Variants in SEC61A2 observed in about 807,000 individuals in gnomAD.
The protein encoded by SEC61A2 is SEC61 translocon subunit alpha 2.
In SEC61A2, 28 loss-of-function variants were observed where a neutral mutation model predicts 59.9. The observed-to-expected ratio is 0.47, with a 90% confidence interval of 0.35 to 0.64. The LOEUF (loss-of-function observed/expected upper bound fraction) is 0.64. Among genes scored for constraint, SEC61A2 ranks in the 30% least tolerant of loss-of-function variants. The pLI, the probability that SEC61A2 is intolerant of heterozygous loss-of-function variation, is 0.01. For synonymous variants in SEC61A2, 202 were observed against 214.4 expected (o/e 0.94, Z 0.50); for missense variants, 340 against 585.9 (o/e 0.58, Z 4.33).
intron 4 of SEC61A2, among the ~76,000 whole-genome samples, chr10:12,146,026 A>G (rs6602565): frequency 0.4 from 60,833 of 151,888 alleles, 13,309 homozygotes; most frequent in South Asian, 0.55. Flanking sequence ...ATTTTATTTT[A>G]TTTTATTTTT....
Position 12,142,838 on chromosome 10 carries a change from T to C in SEC61A2, c.142-279T>C, listed in dbSNP as rs1449670668. 6.6e-6 allele frequency among the ~76,000 whole-genome samples: 1 copy of C among 152,230 alleles called. No individual in the cohort carries two copies. The highest frequency in any genetic ancestry group is 2.4e-5 in the African/African-American group (1 of 41,454). ...TGATGGAATGTTTTTCTTTTTATTT[T>C]CTTTTTAATAAACAGCTTTACCTTG... On this transcript the variant is annotated intron_variant, in intron 3 of 11. Coordinates refer to ENST00000298428, the MANE Select transcript of SEC61A2 (RefSeq NM_018144.4). This position sits in a 1 kb window ranked among gnomAD's most constrained non-coding sequence, Gnocchi z 5.4.
Position 12,129,685 on chromosome 10 carries a change from G to T in SEC61A2, c.-103G>T. 4 of 1,173,468 alleles carry T rather than the reference G, an allele frequency of 3.4e-6. No individual in the cohort carries two copies. The highest frequency in any genetic ancestry group is 4.7e-6 in the Non-Finnish European group (4 of 847,206). 72.7% of individuals were successfully genotyped at this position (1,173,468 alleles called of 1,614,324 possible). On this transcript the variant is annotated 5_prime_UTR_variant, in exon 1 of 12. Transcript: ENST00000298428. The surrounding 1 kb of genome is among the most constrained non-coding windows in gnomAD (Gnocchi z 5.6). ...GGTTGGGCGGAGCCTGCGCGGGGCC[G>T]GTAGGATCGCGTCGGGAGCCGGTAC...
In SEC61A2 at chr10:12,161,741, AAAAT is replaced by A. The variant is rs1311560964; in HGVS notation, c.1168-458_1168-455del. 2.6e-5 allele frequency among the ~76,000 whole-genome samples: 4 copies of A among 151,946 alleles called. No homozygotes were observed. The highest frequency in any genetic ancestry group is 2.1e-4 in the South Asian group (1 of 4,832). On this transcript the variant is annotated intron_variant, in intron 10 of 11. Coordinates refer to ENST00000298428, the MANE Select transcript of SEC61A2 (RefSeq NM_018144.4). The surrounding 1 kb of genome is among the most constrained non-coding windows in gnomAD (Gnocchi z 5.4). ...GGCGACAGAGCTAGACTCCGTCTCCAAAATAAATAAATAAATAGATAAATAAAAA... is the reference window on the plus strand; with the variant it reads ...GGCGACAGAGCTAGACTCCGTCTCCAAAATAAATAAATAGATAAATAAAAA...
In SEC61A2 at chr10:12,162,207, C is replaced by T. The variant is rs370970887; in HGVS notation, c.1168-6C>T. Reference sequence around the variant, plus strand: ...TGGATTTTGAAAGTCGTTTTTCTCTCGGCAGGTAGCTAAACAGCTGAAAGA... The same window carrying T: ...TGGATTTTGAAAGTCGTTTTTCTCTTGGCAGGTAGCTAAACAGCTGAAAGA... On this transcript the variant is annotated splice_region_variant and splice_polypyrimidine_tract_variant and intron_variant, in intron 10 of 11. Coordinates refer to ENST00000298428, the MANE Select transcript of SEC61A2 (RefSeq NM_018144.4). The surrounding 1 kb of genome is among the most constrained non-coding windows in gnomAD (Gnocchi z 6.1). 25 of 1,612,580 alleles carry T rather than the reference C, an allele frequency of 1.6e-5. No homozygotes were observed. Among genetic ancestry groups the T allele is most frequent in the Non-Finnish European group, 1.8e-5 (21 of 1,179,148 alleles).
downstream of SEC61A2, among the ~76,000 whole-genome samples, chr10:12,168,311 A>G (rs1834760048): frequency 6.6e-6 from 1 of 152,200 alleles, no homozygotes; most frequent in South Asian, 2.1e-4. This position sits in a 1 kb window ranked among gnomAD's most constrained non-coding sequence, Gnocchi z 4.8. Flanking sequence ...GGCGTGAGCT[A>G]CCGCACCCAG....
chr10:12,158,164 G>A lies in SEC61A2; in HGVS notation c.975+59G>A. On this transcript the variant is annotated intron_variant, in intron 9 of 11. Transcript: ENST00000298428. This position sits in a 1 kb window ranked among gnomAD's most constrained non-coding sequence, Gnocchi z 5.7. The stretch of plus-strand genomic sequence containing the variant: ...TTATTATAATTTGCATTTCATGGTT[G>A]TATTTTTAATGGAATGAGGTCGACA... 7.3e-7 allele frequency: 1 copy of A among 1,369,924 alleles called. No homozygotes were observed. Among genetic ancestry groups the A allele is most frequent in the Admixed American group, 1.9e-5 (1 of 51,834 alleles). The allele number at this position is 1,369,924 out of a possible 1,614,324, so 84.9% of individuals were successfully genotyped here. A position where few individuals can be genotyped will look rare whatever the true frequency, so the allele number is the denominator to read the frequency against.
In SEC61A2 at chr10:12,143,249, CAT is replaced by C. The variant is rs758685921; in HGVS notation, c.220+55_220+56del. 1.8e-4 allele frequency: 232 copies of C among 1,273,590 alleles called. No individual in the cohort carries two copies. Among genetic ancestry groups the C allele is most frequent in the Middle Eastern group, 3.7e-4 (2 of 5,422 alleles). The allele number at this position is 1,273,590 out of a possible 1,614,324, so 78.9% of individuals were successfully genotyped here. ...CCTACTCACAGCAAACAGATGGAAA[CAT>C]GTGGATTAGCAATGAGTTTTCAATG... On this transcript the variant is annotated intron_variant, in intron 4 of 11. Coordinates refer to ENST00000298428, the MANE Select transcript of SEC61A2 (RefSeq NM_018144.4). This position sits in a 1 kb window ranked among gnomAD's most constrained non-coding sequence, Gnocchi z 4.8.
In SEC61A2 at chr10:12,129,712, G is replaced by C. The variant is rs969814062; in HGVS notation, c.-76G>C. ...TAGGATCGCGTCGGGAGCCGGTACC[G>C]AGGCCCGAGCCGCGGGAGTCGAGCG... On this transcript the variant is annotated 5_prime_UTR_variant, in exon 1 of 12. Transcript: ENST00000298428. This position sits in a 1 kb window ranked among gnomAD's most constrained non-coding sequence, Gnocchi z 5.6. 5.9e-5 allele frequency: 83 copies of C among 1,413,924 alleles called. No individual in the cohort carries two copies. Among genetic ancestry groups the C allele is most frequent in the South Asian group, 2.7e-4 (21 of 77,286 alleles). 87.6% of individuals were successfully genotyped at this position (1,413,924 alleles called of 1,614,324 possible). A position where few individuals can be genotyped will look rare whatever the true frequency, so the allele number is the denominator to read the frequency against.
At chr10:12,157,502 ATT>A (rs35428328) in intron 8 of SEC61A2, among the ~76,000 whole-genome samples, 12 of 111,062 alleles carry the variant, frequency 1.1e-4, no homozygotes, top group African/African-American at 2.2e-4. Flanking sequence ...CGCCCGGCTA[ATT>A]TTTTTTTTTT....
chr10:12,158,518 G>A lies in SEC61A2; in HGVS notation c.975+413G>A, dbSNP rs1834459596. Among the ~76,000 whole-genome samples, 1 of 152,086 alleles carries A rather than the reference G, an allele frequency of 6.6e-6. No individual in the cohort carries two copies. Among genetic ancestry groups the A allele is most frequent in the Non-Finnish European group, 1.5e-5 (1 of 68,018 alleles). On this transcript the variant is annotated intron_variant, in intron 9 of 11. Coordinates refer to ENST00000298428, the MANE Select transcript of SEC61A2 (RefSeq NM_018144.4). This position sits in a 1 kb window ranked among gnomAD's most constrained non-coding sequence, Gnocchi z 5.7. ...GGCTGAGGTGGGTGGATCACCTGAG[G>A]TCAGGAGTTCGAGACCAGCCTGGCC...
intron 2 of SEC61A2, among the ~76,000 whole-genome samples, chr10:12,135,886 T>C (rs761969818): frequency 1.2e-4 from 18 of 152,208 alleles, no homozygotes; most frequent in Admixed American, 1.2e-3. Flanking sequence ...TGCATGTGTG[T>C]CTGTATATAT....
rs1834128077 is a variant in SEC61A2, at chr10:12,145,968, T to G, written c.220+2773T>G. Among the ~76,000 whole-genome samples, 1 of 152,150 alleles carries G rather than the reference T, an allele frequency of 6.6e-6. No individual in the cohort carries two copies. On this transcript the variant is annotated intron_variant, in intron 4 of 11. Coordinates refer to ENST00000298428, the MANE Select transcript of SEC61A2 (RefSeq NM_018144.4). The surrounding 1 kb of genome is among the most constrained non-coding windows in gnomAD (Gnocchi z 4.4). ...CTTAGGCCTCAGCAGCAGGGATTGG[T>G]GAACATTTTCCATTCTCTGTGCGAT... is the stretch of plus-strand genomic sequence containing the variant.
rs1833877939 is a variant in SEC61A2, at chr10:12,136,155, C to T, written c.126C>T (p.Phe42=). The change falls in exon 3 of 12, where the codon TTC becomes TTT. Residue 42 remains phenylalanine (F), a synonymous_variant. Coordinates refer to ENST00000298428, the MANE Select transcript of SEC61A2 (RefSeq NM_018144.4). ...VLWTAITLFI[F]LVCCQIPLFG... is the part of the protein sequence containing the mutation. ...GGACTGCTATAACGCTCTTCATTTT[C>T]TTAGTGTGTTGTCAGGTATGTAACT... The T allele has an allele frequency of 1.3e-6, 2 of 1,591,436 alleles. No individual in the cohort carries two copies. Among genetic ancestry groups the T allele is most frequent in the African/African-American group, 2.7e-5 (2 of 74,446 alleles).
rs548992377 is a variant in SEC61A2 at position 12,146,236 on chromosome 10, G to A, written c.220+3041G>A. On this transcript the variant is annotated intron_variant, in intron 4 of 11. Transcript: ENST00000298428. ...GGGTTTCACCATATTGGCCAGGCTG[G>A]TGAATTCCTGACCTCAGGTGATCCA... Among the ~76,000 whole-genome samples, 14 of 152,212 alleles carry A rather than the reference G, an allele frequency of 9.2e-5. 1 individual carries two copies. In the South Asian group the frequency reaches 2.9e-3, roughly 32 times the overall value.
chr10:12,162,157 G>T lies in SEC61A2; in HGVS notation c.1168-56G>T, dbSNP rs1271175561. The T allele has an allele frequency of 7.3e-7, 1 of 1,365,354 alleles. No homozygotes were observed. The highest frequency in any genetic ancestry group is 1.4e-5 in the African/African-American group (1 of 70,132). 84.6% of individuals were successfully genotyped at this position (1,365,354 alleles called of 1,614,324 possible). ...CGAGCACTTCGCATAGAACGTGGTA[G>T]ATGTAAGCAGTGAAATGTTCCAGTT... On this transcript the variant is annotated intron_variant, in intron 10 of 11. Coordinates refer to ENST00000298428, the MANE Select transcript of SEC61A2 (RefSeq NM_018144.4). The surrounding 1 kb of genome is among the most constrained non-coding windows in gnomAD (Gnocchi z 6.1).
chr10:12,155,724 C>A lies in SEC61A2; in HGVS notation c.463-54C>A, dbSNP rs1834382448. 2.5e-6 allele frequency: 4 copies of A among 1,604,228 alleles called. No individual in the cohort carries two copies. In the Admixed American group the frequency reaches 6.7e-5, roughly 27 times the overall value. On this transcript the variant is annotated intron_variant, in intron 6 of 11. Transcript: ENST00000298428. The surrounding 1 kb of genome is among the most constrained non-coding windows in gnomAD (Gnocchi z 4.3). The stretch of plus-strand genomic sequence containing the variant: ...GGAAATAGCCAATGGTGTTCCTCTC[C>A]CCCTTTCTTGAGTTTGTTCTTGCTT...
Position 12,137,676 on chromosome 10 carries a change from A to G in SEC61A2, c.141+1506A>G, listed in dbSNP as rs139362552. 8.5e-3 allele frequency among the ~76,000 whole-genome samples: 1,294 copies of G among 152,248 alleles called. 26 individuals carry two copies. The highest frequency in any genetic ancestry group is 0.03 in the African/African-American group (1,231 of 41,552). ...TGTGAGTATAAAATGTGGCCTGCCT[A>G]TGTTTTAGGGTTATTGTAAAGATTA... On this transcript the variant is annotated intron_variant, in intron 3 of 11. Transcript: ENST00000298428.
Position 12,134,641 on chromosome 10 carries a change from T to A in SEC61A2, c.75+1333T>A, listed in dbSNP as rs114455513. On this transcript the variant is annotated intron_variant, in intron 2 of 11. Coordinates refer to ENST00000298428, the MANE Select transcript of SEC61A2 (RefSeq NM_018144.4). ...AGGTGAAAGGGACATTAGAAAACAA[T>A]CTAGGCCCGGCACAGTGACTCACAC... Among the ~76,000 whole-genome samples, 616 of 152,244 alleles carry A rather than the reference T, an allele frequency of 4.0e-3. 5 individuals carry two copies. Among genetic ancestry groups the A allele is most frequent in the African/African-American group, 0.014 (590 of 41,570 alleles).
intron 3 of SEC61A2, among the ~76,000 whole-genome samples, chr10:12,140,576 T>C (rs1833995280): frequency 2.0e-5 from 3 of 152,208 alleles, no homozygotes; most frequent in Admixed American, 2.0e-4. Flanking sequence ...AGGAAGGTCG[T>C]TGGGCGGAGT....
Sources: gnomAD v4.1 joint callset for allele counts (sites outside exome capture counted in the v4.1 genomes callset) on GRCh38, gnomAD v4.1.1 for gene constraint, Gnocchi (gnomAD v3.1) non-coding constraint, MANE v1.5 for transcripts, NCBI Gene and HGNC (gene_info 2026-07-23, HGNC 2026-07-21) for gene names.